Variants in ANO3 observed in about 807,000 individuals in gnomAD.
The protein encoded by ANO3 is anoctamin-3.
In ANO3, 99 loss-of-function variants were observed where a neutral mutation model predicts 144.8. The observed-to-expected ratio is 0.68, with a 90% CI of 0.58 to 0.81. ANO3 has a LOEUF of 0.81. Among genes scored for constraint, ANO3 ranks in the 30% least tolerant of loss-of-function variants. The pLI, the probability that ANO3 is intolerant of heterozygous loss-of-function variation, is 0.00. For synonymous variants in ANO3, 414 were observed against 392.6 expected (o/e 1.05, Z -0.64); for missense variants, 905 against 1,202.2 (o/e 0.75, Z 3.66).
chr11:26,531,762 A>G (rs1020402000), intron 8 of ANO3, among the ~76,000 whole-genome samples: 1 of 152,194 alleles, frequency 6.6e-6, no homozygotes, highest in African/African-American at 2.4e-5. Context: ...TATCTATTTT[A>G]GTTCAATCTT....
chr11:26,509,678 TTTTTGATGAAATATCTAGATAA>T (rs1172808971), intron 5 of ANO3, among the ~76,000 whole-genome samples: 2 of 152,116 alleles, frequency 1.3e-5, no homozygotes, highest in African/African-American at 4.8e-5. Context: ...AAAAAAACTG[TTTTTGATGAAATATCTAGATAA>T]TTTGCTAATA....
At chr11:26,356,498 C>T (rs1261442407) in intron 1 of ANO3, among the ~76,000 whole-genome samples, 1 of 152,084 alleles carries the variant, frequency 6.6e-6, no homozygotes, top group Non-Finnish European at 1.5e-5. Context: ...TGACATAATA[C>T]AGTATATATT....
chr11:26,293,144 G>A (rs980379341), intron 1 of ANO3, among the ~76,000 whole-genome samples: 1 of 152,026 alleles, frequency 6.6e-6, no homozygotes, highest in Non-Finnish European at 1.5e-5. Flanking sequence ...ATTTTAAAAG[G>A]TGTTTTGAAA....
At chr11:26,527,720 A>T (rs148372615) in intron 7 of ANO3, among the ~76,000 whole-genome samples, 3 of 152,316 alleles carry the variant, frequency 2.0e-5, no homozygotes, top group Admixed American at 6.5e-5. Flanking sequence ...TCCCTTCTCC[A>T]GCAGGTTGAA....
intron 18 of ANO3, among the ~76,000 whole-genome samples, chr11:26,626,518 C>G (rs1852589769): frequency 6.6e-6 from 1 of 152,142 alleles, no homozygotes; most frequent in Non-Finnish European, 1.5e-5. Flanking sequence ...TGGTTGTTGC[C>G]TGGGAAGAGC....
At chr11:26,402,519 T>C (rs905308723) in intron 1 of ANO3, among the ~76,000 whole-genome samples, 3 of 152,026 alleles carry the variant, frequency 2.0e-5, no homozygotes, top group African/African-American at 7.2e-5. Context: ...TTATAGATAC[T>C]GGATGTTAGA....
intron 14 of ANO3, among the ~76,000 whole-genome samples, chr11:26,585,541 G>A (rs966711919): frequency 2.0e-5 from 3 of 151,294 alleles, no homozygotes; most frequent in Non-Finnish European, 4.4e-5. Context: ...TCAGATTTCT[G>A]TGCTTTGAAC....
intron 1 of ANO3, among the ~76,000 whole-genome samples, chr11:26,195,102 T>C (rs1851559203): frequency 6.6e-6 from 1 of 152,200 alleles, no homozygotes; most frequent in Non-Finnish European, 1.5e-5. Context: ...TAAAAGAATG[T>C]ATGTGAGGCA....
chr11:26,283,369 G>A (rs1170206254), intron 1 of ANO3, among the ~76,000 whole-genome samples: 1 of 87,516 alleles, frequency 1.1e-5, no homozygotes, highest in African/African-American at 3.6e-5. Flanking sequence ...TATATATAGC[G>A]AGCATTTTTT....
At chr11:26,246,982 A>T (rs1852812054) in intron 1 of ANO3, among the ~76,000 whole-genome samples, 1 of 152,190 alleles carries the variant, frequency 6.6e-6, no homozygotes, top group South Asian at 2.1e-4. Context: ...ATGAGAATGG[A>T]CTAAAACAAT....
At chr11:26,189,726 G>A (rs1042353297) in intron 1 of ANO3, among the ~76,000 whole-genome samples, 6 of 151,926 alleles carry the variant, frequency 3.9e-5, no homozygotes, top group South Asian at 2.1e-4. Flanking sequence ...TCTCTCATTC[G>A]TATGCACAAT....
rs752048150 is a variant in ANO3 at position 26,656,175 on chromosome 11, A to G, written c.2627A>G (p.Glu876Gly). ...AGCCTATCCTTCTTTGACCTGAGTGAGCTTGGTATGGGAAAATCTGGTTAT... is the reference window on the plus strand; with the variant it reads ...AGCCTATCCTTCTTTGACCTGAGTGGGCTTGGTATGGGAAAATCTGGTTAT... ...NNSLSFFDLS[E>G]LGMGKSGYCR... Residue 876 changes from glutamate to glycine, a missense_variant, in exon 25 of 27, where the codon GAG becomes GGG. Physicochemically the swap from Glu to Gly is moderately conservative, Grantham distance 98. Around this residue, in one of 4 missense-constraint regions of ANO3, gnomAD observed 597 missense variants for 865.1 expected, o/e 0.69. Coordinates refer to ENST00000256737, the MANE Select transcript of ANO3 (RefSeq NM_031418.4). 10 of 1,613,580 alleles carry G rather than the reference A, an allele frequency of 6.2e-6. No homozygotes were observed. The highest frequency in any genetic ancestry group is 2.5e-6 in the Non-Finnish European group (3 of 1,179,724).
At chr11:26,314,905 G>T (rs959700448) in intron 1 of ANO3, among the ~76,000 whole-genome samples, 1 of 152,118 alleles carries the variant, frequency 6.6e-6, no homozygotes, top group African/African-American at 2.4e-5. Flanking sequence ...AAACTGAGAA[G>T]CATGCTCCAT....
chr11:26,264,451 G>T (rs1337393688), intron 1 of ANO3, among the ~76,000 whole-genome samples: 2 of 152,114 alleles, frequency 1.3e-5, no homozygotes, highest in African/African-American at 4.8e-5. Context: ...TGTGCCAGCT[G>T]CTCTGATTTA....
chr11:26,201,971 A>C (rs775195259), intron 1 of ANO3, among the ~76,000 whole-genome samples: 8 of 151,354 alleles, frequency 5.3e-5, no homozygotes, highest in African/African-American at 7.3e-5. Flanking sequence ...CAGAATATTT[A>C]CATTTACACT....
intron 7 of ANO3, among the ~76,000 whole-genome samples, chr11:26,526,411 G>A (rs1054453901): frequency 3.9e-5 from 6 of 152,108 alleles, no homozygotes; most frequent in African/African-American, 1.4e-4. Context: ...TCTGCACCTT[G>A]CCAAAGAACC....
chr11:26,359,397 T>G (rs1855865299), intron 1 of ANO3, among the ~76,000 whole-genome samples: 1 of 152,222 alleles, frequency 6.6e-6, no homozygotes, highest in Admixed American at 6.5e-5. Context: ...GTGAGCACCA[T>G]GTACAGTACA....
At chr11:26,528,617 A>C (rs113159397) in intron 7 of ANO3, among the ~76,000 whole-genome samples, 2 of 152,058 alleles carry the variant, frequency 1.3e-5, no homozygotes, top group African/African-American at 4.8e-5. Flanking sequence ...CTAGCCTCCT[A>C]ATGAAGGAGA....
chr11:26,420,308 C>T (rs2133996809), intron 1 of ANO3, among the ~76,000 whole-genome samples: 1 of 152,116 alleles, frequency 6.6e-6, no homozygotes, highest in Admixed American at 6.6e-5. Context: ...ATGTTGCTTT[C>T]TACTCCCAAA....
Sources: gnomAD v4.1 joint callset for allele counts (sites outside exome capture counted in the v4.1 genomes callset) on GRCh38, gnomAD v4.1.1 for gene constraint, gnomAD v4.1.1 regional missense constraint, MANE v1.5 for transcripts, NCBI Gene and HGNC (gene_info 2026-07-23, HGNC 2026-07-21) for gene names.